The following VMP1 variants were observed in gnomAD, a reference collection of about 807,000 sequenced individuals.
VMP1 encodes ectopic P-granules autophagy protein 3 homolog.
VMP1 carries 11 observed loss-of-function variants against 56.0 expected under a neutral mutation model. That is an observed-to-expected ratio of 0.20 (90% CI 0.12 to 0.32). The LOEUF (loss-of-function observed/expected upper bound fraction) is 0.32, where lower values mean the gene tolerates loss of function less well. Ranked by LOEUF, VMP1 falls within the 10% of genes least tolerant of loss-of-function variation. The probability of loss-of-function intolerance (pLI) is 1.00; values close to 1 mark genes in which losing one functional copy is unlikely to be tolerated. For missense variants in VMP1, 296 were observed against 490.3 expected, an observed-to-expected ratio of 0.60 and a Z score of 3.74; for synonymous variants, 149 against 165.0, an observed-to-expected ratio of 0.90 and a Z score of 0.74.
At chr17:59,755,941 T>C (rs369639732) in intron 5 of VMP1, among the ~76,000 whole-genome samples, 24 of 152,134 alleles carry the variant, frequency 1.6e-4, no homozygotes, top group South Asian at 8.3e-4. Context: ...CTCACTGTGT[T>C]GTCCGAGCTA....
chr17:59,749,950 A>T (rs564083790), intron 5 of VMP1, among the ~76,000 whole-genome samples: 1 of 152,182 alleles, frequency 6.6e-6, no homozygotes, highest in African/African-American at 2.4e-5. Context: ...TTGTATTCCA[A>T]CTGTCTAGAA....
At chr17:59,734,067 T>C (rs1372840624) in intron 2 of VMP1, among the ~76,000 whole-genome samples, 1 of 152,188 alleles carries the variant, frequency 6.6e-6, no homozygotes, top group Admixed American at 6.5e-5. Context: ...TTTAGACTTA[T>C]TTCAGTAATT....
rs139929289 is a variant in VMP1, at chr17:59,741,231, A to G, written c.414+2284A>G. 3.1e-3 allele frequency among the ~76,000 whole-genome samples: 475 copies of G among 152,290 alleles called. 2 individuals carry two copies. Among genetic ancestry groups the G allele is most frequent in the Non-Finnish European group, 5.0e-3 (340 of 68,012 alleles). On this transcript the variant is annotated intron_variant, in intron 5 of 11. Coordinates refer to ENST00000262291, the MANE Select transcript of VMP1 (RefSeq NM_030938.5). ...TATTTTAAATGCCCTAAAATTAAGT[A>G]TATATAAAACAGCCAGATCTGCAAT...
intron 2 of VMP1, among the ~76,000 whole-genome samples, chr17:59,732,396 C>G (rs1427557882): frequency 6.6e-6 from 1 of 152,180 alleles, no homozygotes; most frequent in African/African-American, 2.4e-5. Context: ...GCATGCGCCA[C>G]CACGCCCAGC....
chr17:59,784,183 A>T (rs930161506), intron 7 of VMP1, among the ~76,000 whole-genome samples: 1 of 151,494 alleles, frequency 6.6e-6, no homozygotes, highest in Non-Finnish European at 1.5e-5. Context: ...GGAGAGGGAG[A>T]GAGATTTCTT....
At chr17:59,778,125 ATATT>A (rs2036690484) in intron 7 of VMP1, among the ~76,000 whole-genome samples, 1 of 152,128 alleles carries the variant, frequency 6.6e-6, no homozygotes, top group African/African-American at 2.4e-5. Flanking sequence ...TGCTGTTAAC[ATATT>A]TATTTTCAAA....
Position 59,717,451 on chromosome 17 carries a change from A to C in VMP1, c.-27+9703A>C, listed in dbSNP as rs1321624181. ...AGGCAGGAGTGCAGTGGCACTGTCTAGGCCCACTGCAACCTCCACCTCCCA... is the reference window on the plus strand; with the variant it reads ...AGGCAGGAGTGCAGTGGCACTGTCTCGGCCCACTGCAACCTCCACCTCCCA... On this transcript the variant is annotated intron_variant, in intron 1 of 11. Coordinates refer to ENST00000262291, the MANE Select transcript of VMP1 (RefSeq NM_030938.5). Among the ~76,000 whole-genome samples the C allele has an allele frequency of 1.3e-4, 20 of 151,542 alleles. No homozygotes were observed. The South Asian group carries it at 1.7e-3, about 13-fold the overall frequency.
Position 59,817,769 on chromosome 17 carries a change from A to G in VMP1, c.970A>G (p.Ile324Val), listed in dbSNP as rs745617816. The G allele has an allele frequency of 1.9e-6, 3 of 1,606,794 alleles. No homozygotes were observed. The highest frequency in any genetic ancestry group is 1.7e-6 in the Non-Finnish European group (2 of 1,176,146). Residue 324 changes from isoleucine (I) to valine (V), a missense_variant, in exon 10 of 12, where the codon ATT becomes GTT. Ile to Val is a conservative substitution (Grantham distance 29). Coordinates refer to ENST00000262291, the MANE Select transcript of VMP1 (RefSeq NM_030938.5). ...CATAGTGGAGCAAATGGTGGCTTTC[A>G]TTGGGTAAGTAATTCTTCAAGGACT... ...KHIVEQMVAF[I>V]GAVPGIGPSL...
At chr17:59,839,644 A>T in intron 11 of VMP1, 124 bp from the exon 12 acceptor site, 1 of 1,261,346 alleles carries the variant, frequency 7.9e-7, no homozygotes, top group Non-Finnish European at 1.1e-6. Flanking sequence ...GGGGTTGCTT[A>T]CTTTTCATTT....
At chr17:59,819,029 A>T (rs758665712) in intron 10 of VMP1, among the ~76,000 whole-genome samples, 5 of 152,058 alleles carry the variant, frequency 3.3e-5, no homozygotes, top group Non-Finnish European at 7.4e-5. Flanking sequence ...ATTCTTTTCT[A>T]TGTATTGTAA....
intron 5 of VMP1, among the ~76,000 whole-genome samples, chr17:59,760,078 A>C (rs1391640284): frequency 1.3e-5 from 2 of 149,652 alleles, no homozygotes; most frequent in Non-Finnish European, 3.0e-5. Context: ...AGCTGTGATC[A>C]CACTACTGCC....
At chr17:59,806,462 A>C (rs747813093) in intron 7 of VMP1, among the ~76,000 whole-genome samples, 13 of 152,026 alleles carry the variant, frequency 8.6e-5, no homozygotes, top group Non-Finnish European at 1.6e-4. Flanking sequence ...GTGGTGGCTC[A>C]ATGCCTGTAA....
chr17:59,811,644 G>A, intron 8 of VMP1, 26 bp from the exon 9 acceptor site: 1 of 1,502,060 alleles, frequency 6.7e-7, no homozygotes, highest in Admixed American at 1.8e-5. Context: ...ATTATAATAT[G>A]GAAGTCCTTC....
intron 5 of VMP1, among the ~76,000 whole-genome samples, chr17:59,745,850 T>C (rs934722785): frequency 6.6e-6 from 1 of 152,174 alleles, no homozygotes; most frequent in Non-Finnish European, 1.5e-5. Flanking sequence ...AAAAAGAAAC[T>C]AATTTTAACA....
intron 4 of VMP1, 89 bp downstream of exon 4, chr17:59,737,632 GA>G (rs1245555356): frequency 7.9e-6 from 9 of 1,145,954 alleles, no homozygotes; most frequent in Non-Finnish European, 1.1e-5. Flanking sequence ...GGGTTTTATA[GA>G]ATTTCTACCC....
chr17:59,726,824 A>G (rs899619037), intron 1 of VMP1, among the ~76,000 whole-genome samples: 2 of 152,134 alleles, frequency 1.3e-5, no homozygotes, highest in African/African-American at 4.8e-5. Context: ...CTTGGGCTAC[A>G]TTATCTTTTG....
At chr17:59,755,717 T>G (rs1342948198) in intron 5 of VMP1, among the ~76,000 whole-genome samples, 1 of 150,724 alleles carries the variant, frequency 6.6e-6, no homozygotes, top group Admixed American at 6.6e-5. Context: ...ACAGTTTGTT[T>G]CTTTGTTTTT....
At chr17:59,769,297 A>C (rs935860577) in intron 6 of VMP1, among the ~76,000 whole-genome samples, 4 of 151,586 alleles carry the variant, frequency 2.6e-5, no homozygotes, top group African/African-American at 9.7e-5. Flanking sequence ...GATTACAGGC[A>C]TGCGCCACCA....
At chr17:59,815,838 A>T (rs1205915989) in intron 9 of VMP1, among the ~76,000 whole-genome samples, 1 of 144,300 alleles carries the variant, frequency 6.9e-6, no homozygotes, top group African/African-American at 2.6e-5. Flanking sequence ...CCTGGGCAAC[A>T]GAGCGAGACT....
Sources: allele counts gnomAD v4.1 joint callset (sites outside exome capture counted in the v4.1 genomes callset), GRCh38; gene constraint gnomAD v4.1.1; transcripts MANE v1.5; gene names NCBI Gene and HGNC (gene_info 2026-07-23, HGNC 2026-07-21).